RIN2: variants seen among roughly 807,000 people sequenced by gnomAD.
The protein encoded by RIN2 is RAB5 interacting protein 2.
A neutral mutation model predicts 78.0 loss-of-function variants in RIN2; 36 were observed. The observed-to-expected ratio is 0.46, with a 90% CI of 0.35 to 0.61. The LOEUF (loss-of-function observed/expected upper bound fraction) is 0.61, where lower values mean the gene tolerates loss of function less well. RIN2 is among the 20% of genes least tolerant of loss of function. RIN2 has a pLI of 0.00. For missense variants in RIN2, 1,087 were observed against 1,159.7 expected (o/e 0.94, Z 0.91); for synonymous variants, 466 against 466.8 (o/e 1.00, Z 0.02).
intron 1 of RIN2, among the ~76,000 whole-genome samples, chr20:19,796,579 T>C (rs1317595387): frequency 6.6e-6 from 1 of 152,246 alleles, no homozygotes; most frequent in Non-Finnish European, 1.5e-5. Context: ...AATATATTTA[T>C]TACCATGGAT....
At chr20:19,941,221 C>G (rs2040857569) in intron 4 of RIN2, among the ~76,000 whole-genome samples, 1 of 152,294 alleles carries the variant, frequency 6.6e-6, no homozygotes, top group Non-Finnish European at 1.5e-5. Flanking sequence ...TTCCCAGTGG[C>G]TATGTGACAG....
rs1274352472 is a variant in RIN2, at chr20:19,845,527, T to C, written c.-36-44039T>C. On this transcript the variant is annotated intron_variant, in intron 2 of 12. Coordinates refer to ENST00000255006, the MANE Select transcript of RIN2 (RefSeq NM_018993.4). ...TTCATATGTTTGTTGGCCACATAAA[T>C]GTCTTCTTTTGAGAAGTGTCTGTTC... 1.3e-5 allele frequency among the ~76,000 whole-genome samples: 2 copies of C among 152,296 alleles called. 1 individual carries two copies.
intron 1 of RIN2, among the ~76,000 whole-genome samples, chr20:19,784,635 T>C (rs2034614800): frequency 6.6e-6 from 1 of 152,080 alleles, no homozygotes; most frequent in African/African-American, 2.4e-5. Context: ...AGAGACAAAA[T>C]TCTACAGACT....
intron 9 of RIN2, among the ~76,000 whole-genome samples, chr20:19,987,353 C>A (rs1601056830): frequency 6.6e-6 from 1 of 152,174 alleles, no homozygotes; most frequent in East Asian, 1.9e-4. Context: ...TGGTCACTTA[C>A]AACCATGAAT....
rs370338390 is a variant in RIN2 at position 19,975,319 on chromosome 20, A to G, written c.1294A>G (p.Met432Val). 3 of 1,610,048 alleles carry G rather than the reference A, an allele frequency of 1.9e-6. No individual in the cohort carries two copies. The highest frequency in any genetic ancestry group is 2.5e-6 in the Non-Finnish European group (3 of 1,178,344). The change falls in exon 9 of 13, where the codon ATG (methionine) becomes GTG (valine). Residue 432 changes from methionine to valine, a missense_variant. By Grantham distance (21) the Met-to-Val change is conservative (BLOSUM62 1). Around this residue, in one of 8 missense-constraint regions of RIN2, gnomAD observed 706 missense variants for 667.5 expected, o/e 1.06. Coordinates refer to ENST00000255006, the MANE Select transcript of RIN2 (RefSeq NM_018993.4). This position sits in a 1 kb window ranked among gnomAD's most constrained non-coding sequence, Gnocchi z 4.9. ...CHGGRQRLSD[M>V]SISTSSSDSL... ...TGGAGGCCGGCAGCGGCTGAGCGAC[A>G]TGAGCATTTCTACTTCCTCCTCCGA...
chr20:19,954,955 G>T (rs543275052), intron 4 of RIN2, among the ~76,000 whole-genome samples: 1 of 152,228 alleles, frequency 6.6e-6, no homozygotes, highest in East Asian at 1.9e-4. Context: ...TCATTAAGAC[G>T]TAATTCACAT....
chr20:19,973,923 A>G (rs936714378), intron 8 of RIN2, among the ~76,000 whole-genome samples: 1 of 152,254 alleles, frequency 6.6e-6, no homozygotes, highest in Admixed American at 6.5e-5. Context: ...AGTACAGATC[A>G]ATAAGCAATC....
At position 19,889,593 on chromosome 20, in the gene RIN2, C is replaced by A; in HGVS notation, c.-9C>A. 1 of 1,551,554 alleles carries A rather than the reference C, an allele frequency of 6.4e-7. No homozygotes were observed. The highest frequency in any genetic ancestry group is 2.0e-5 in the Admixed American group (1 of 51,126). Reference sequence around the variant, plus strand: ...GTCCCCGGCGTGCAGTGGAGCCTCGCTGGGGGAAATGACAGCTTGGACCAT... The same window carrying A: ...GTCCCCGGCGTGCAGTGGAGCCTCGATGGGGGAAATGACAGCTTGGACCAT... On this transcript the variant is annotated 5_prime_UTR_variant, in exon 3 of 13. It adds an upstream start codon to the 5' untranslated region. Transcript: ENST00000255006.
intron 3 of RIN2, among the ~76,000 whole-genome samples, chr20:19,896,346 A>G (rs1273076679): frequency 6.6e-6 from 1 of 151,872 alleles, no homozygotes; most frequent in Admixed American, 6.6e-5. Flanking sequence ...GCGCCACCAC[A>G]CCCAGCTAAT....
At chr20:19,892,191 A>T (rs891583573) in intron 3 of RIN2, among the ~76,000 whole-genome samples, 4 of 152,172 alleles carry the variant, frequency 2.6e-5, no homozygotes, top group African/African-American at 9.7e-5. Context: ...TTTTTGGCAG[A>T]GTTTAAATTG....
At chr20:19,994,640 C>T (rs1336867009) in intron 11 of RIN2, among the ~76,000 whole-genome samples, 1 of 152,190 alleles carries the variant, frequency 6.6e-6, no homozygotes, top group African/African-American at 2.4e-5. Context: ...CCTCCACCCC[C>T]ACAAAGATTG....
intron 9 of RIN2, among the ~76,000 whole-genome samples, chr20:19,982,942 A>G (rs2042506683): frequency 6.6e-6 from 1 of 152,326 alleles, no homozygotes; most frequent in East Asian, 1.9e-4. Flanking sequence ...TCCACCTGCC[A>G]GTGGTGATAA....
rs192237437 is a variant in RIN2 at position 19,928,556 on chromosome 20, A to G, written c.58-6543A>G. ...ACAAATTACTGTAGACTCCTGCACC[A>G]GACTGGAACTCAGCAGGCCCAGCCT... On this transcript the variant is annotated intron_variant, in intron 3 of 12. Coordinates refer to ENST00000255006, the MANE Select transcript of RIN2 (RefSeq NM_018993.4). Among the ~76,000 whole-genome samples the G allele has an allele frequency of 2.7e-4, 41 of 152,300 alleles. No individual in the cohort carries two copies. The East Asian group carries it at 6.4e-3, about 24-fold the overall frequency.
intron 2 of RIN2, among the ~76,000 whole-genome samples, chr20:19,883,235 G>A (rs755173282): frequency 2.6e-5 from 4 of 152,128 alleles, no homozygotes; most frequent in Admixed American, 6.5e-5. Context: ...CAGGGGTGGC[G>A]AAGAGGGATG....
intron 2 of RIN2, among the ~76,000 whole-genome samples, chr20:19,849,073 C>A (rs566152007): frequency 6.6e-6 from 1 of 152,026 alleles, no homozygotes; most frequent in Non-Finnish European, 1.5e-5. Flanking sequence ...AAGCTATTGG[C>A]CATTTGGGGA....
At chr20:19,841,419 G>T (rs1380227072) in intron 2 of RIN2, among the ~76,000 whole-genome samples, 2 of 152,034 alleles carry the variant, frequency 1.3e-5, no homozygotes, top group East Asian at 3.9e-4. Flanking sequence ...AACAAACGCA[G>T]CCCCATAGAT....
chr20:19,823,766 C>T (rs2035998393), intron 2 of RIN2: 4 of 1,596,432 alleles, frequency 2.5e-6, no homozygotes, highest in South Asian at 2.2e-5. Flanking sequence ...GTTAGTTTCA[C>T]TGTAATCCTC....
intron 2 of RIN2, among the ~76,000 whole-genome samples, chr20:19,826,731 G>T (rs1328493350): frequency 1.3e-5 from 2 of 152,124 alleles, no homozygotes; most frequent in Non-Finnish European, 2.9e-5. Flanking sequence ...CGCAGGACAG[G>T]CACGGAGGGA....
intron 3 of RIN2, among the ~76,000 whole-genome samples, chr20:19,906,364 G>A (rs1410910597): frequency 1.3e-5 from 2 of 152,162 alleles, no homozygotes; most frequent in Admixed American, 6.5e-5. Context: ...TGGGAGGATT[G>A]CTTGAGCCCA....
Sources: allele counts gnomAD v4.1 joint callset (sites outside exome capture counted in the v4.1 genomes callset), GRCh38; gene constraint gnomAD v4.1.1; regional missense constraint gnomAD v4.1.1; non-coding constraint Gnocchi (gnomAD v3.1); transcripts MANE v1.5; gene names NCBI Gene and HGNC (gene_info 2026-07-23, HGNC 2026-07-21).